The following CELF4 variants were observed in gnomAD, a reference collection of about 807,000 sequenced individuals.
CELF4 encodes the protein CUG-BP- and ETR-3-like factor 4.
Under a neutral mutation model 59.9 loss-of-function variants are expected in CELF4, and 18 were observed. That is an observed-to-expected ratio of 0.30 (90% CI 0.21 to 0.45). CELF4 has a LOEUF of 0.45. CELF4 is among the 20% of genes least tolerant of loss of function. CELF4 has a pLI of 1.00. For missense variants in CELF4, 456 were observed against 689.0 expected, an observed-to-expected ratio of 0.66 and a Z score of 3.79; for synonymous variants, 261 against 267.1, an observed-to-expected ratio of 0.98 and a Z score of 0.22.
At chr18:37,539,061 A>G (rs2099975769) in intron 1 of CELF4, among the ~76,000 whole-genome samples, 1 of 152,022 alleles carries the variant, frequency 6.6e-6, no homozygotes, top group Admixed American at 6.5e-5. Context: ...CCTCGGTCTC[A>G]TCAGGGTTCT....
chr18:37,306,661 C>G (rs1190274929), intron 3 of CELF4, among the ~76,000 whole-genome samples: 2 of 152,178 alleles, frequency 1.3e-5, no homozygotes, highest in African/African-American at 4.8e-5. Flanking sequence ...TGCTTGGACT[C>G]TGGCCAATCA....
In CELF4 at chr18:37,340,935, G is replaced by A. The variant is rs186365776; in HGVS notation, c.370-19054C>T. On this transcript the variant is annotated intron_variant, in intron 2 of 12. Transcript: ENST00000420428. ...ATTGTTTCAGTGATATCAAGCTAACGTCTGAGCCACTTGTAGCTTCCACTG... is the reference window on the plus strand; with the variant it reads ...ATTGTTTCAGTGATATCAAGCTAACATCTGAGCCACTTGTAGCTTCCACTG... Among the ~76,000 whole-genome samples, 12 of 152,290 alleles carry A rather than the reference G, an allele frequency of 7.9e-5. No individual in the cohort carries two copies. In the East Asian group the frequency reaches 1.2e-3, roughly 15 times the overall value.
intron 6 of CELF4, chr18:37,273,629 G>A: frequency 3.0e-6 from 3 of 989,276 alleles, no homozygotes; most frequent in Non-Finnish European, 2.4e-6. Flanking sequence ...CCCTAGTGTT[G>A]TCACAAAGGT....
intron 2 of CELF4, among the ~76,000 whole-genome samples, chr18:37,469,986 G>T (rs2099817217): frequency 6.6e-6 from 1 of 152,206 alleles, no homozygotes; most frequent in South Asian, 2.1e-4. Flanking sequence ...GATGGCCAGA[G>T]AATGAGGGTT....
At chr18:37,497,243 G>T (rs2099926198) in intron 1 of CELF4, among the ~76,000 whole-genome samples, 1 of 152,156 alleles carries the variant, frequency 6.6e-6, no homozygotes, top group South Asian at 2.1e-4. Context: ...TGTGACTGGG[G>T]TTGGAGGTGC....
chr18:37,405,488 C>T lies in CELF4; in HGVS notation c.369+80037G>A, dbSNP rs1034280791. Among the ~76,000 whole-genome samples, 6 of 152,254 alleles carry T rather than the reference C, an allele frequency of 3.9e-5. No homozygotes were observed. The East Asian group carries it at 5.8e-4, about 15-fold the overall frequency. On this transcript the variant is annotated intron_variant, in intron 2 of 12. Coordinates refer to ENST00000420428, the MANE Select transcript of CELF4 (RefSeq NM_020180.4). ...CTTCCTTCGAAGAGGGGCTCTGCCCCGGGATGCAGGAGACTGAGAAGATTT... is the reference window on the plus strand; with the variant it reads ...CTTCCTTCGAAGAGGGGCTCTGCCCTGGGATGCAGGAGACTGAGAAGATTT...
intron 1 of CELF4, among the ~76,000 whole-genome samples, chr18:37,556,092 G>C (rs1285204953): frequency 6.6e-6 from 1 of 152,178 alleles, no homozygotes; most frequent in African/African-American, 2.4e-5. Flanking sequence ...TGTAGCGTTT[G>C]ATCTTTAGAT....
chr18:37,313,994 G>T (rs946389665), intron 3 of CELF4, among the ~76,000 whole-genome samples: 1 of 152,198 alleles, frequency 6.6e-6, no homozygotes, highest in Non-Finnish European at 1.5e-5. Context: ...CTGCAGGAAC[G>T]CTGGACACTT....
At chr18:37,542,951 C>T (rs1043449350) in intron 1 of CELF4, among the ~76,000 whole-genome samples, 1 of 152,096 alleles carries the variant, frequency 6.6e-6, no homozygotes, top group Non-Finnish European at 1.5e-5. Context: ...ATCACTCCTG[C>T]CTCCCTTGAA....
chr18:37,376,741 T>G (rs2098974314), intron 2 of CELF4, among the ~76,000 whole-genome samples: 1 of 152,224 alleles, frequency 6.6e-6, no homozygotes, highest in South Asian at 2.1e-4. Flanking sequence ...CAGGCTCACC[T>G]TTCAGGGTGC....
At chr18:37,524,967 C>G (rs1037731977) in intron 1 of CELF4, among the ~76,000 whole-genome samples, 2 of 152,228 alleles carry the variant, frequency 1.3e-5, no homozygotes, top group African/African-American at 4.8e-5. Flanking sequence ...CTCCCTGAAG[C>G]GTCTCGCCCT....
chr18:37,359,111 A>C (rs1212360325), intron 2 of CELF4, among the ~76,000 whole-genome samples: 1 of 152,050 alleles, frequency 6.6e-6, no homozygotes, highest in Non-Finnish European at 1.5e-5. Flanking sequence ...AAAACAAAAC[A>C]AAACAAAACA....
At chr18:37,484,085 T>C (rs935781497) in intron 2 of CELF4, among the ~76,000 whole-genome samples, 9 of 152,108 alleles carry the variant, frequency 5.9e-5, no homozygotes, top group South Asian at 4.2e-4. Flanking sequence ...TTAGCCACCA[T>C]GAAACTCCCT....
intron 2 of CELF4, among the ~76,000 whole-genome samples, chr18:37,351,873 C>T (rs2098449944): frequency 1.3e-5 from 2 of 152,130 alleles, no homozygotes; most frequent in Non-Finnish European, 2.9e-5. Flanking sequence ...ACCACAGTCT[C>T]CCAAAGTGCT....
At chr18:37,342,527 C>T (rs1033178464) in intron 2 of CELF4, among the ~76,000 whole-genome samples, 1 of 152,116 alleles carries the variant, frequency 6.6e-6, no homozygotes, top group Non-Finnish European at 1.5e-5. Context: ...GGAGTGGGCA[C>T]CACCCTCCCC....
intron 3 of CELF4, among the ~76,000 whole-genome samples, chr18:37,291,091 T>C (rs190012669): frequency 6.6e-6 from 1 of 152,098 alleles, no homozygotes; most frequent in Admixed American, 6.6e-5. Context: ...GTATTTTTAG[T>C]AGAGATGGGG....
chr18:37,402,415 G>A (rs2099340080), intron 2 of CELF4, among the ~76,000 whole-genome samples: 1 of 152,090 alleles, frequency 6.6e-6, no homozygotes, highest in African/African-American at 2.4e-5. Context: ...TGTTTCCAGG[G>A]TTCCAGGGTC....
intron 2 of CELF4, among the ~76,000 whole-genome samples, chr18:37,448,076 T>C (rs1298630409): frequency 6.6e-6 from 1 of 152,222 alleles, no homozygotes; most frequent in African/African-American, 2.4e-5. Context: ...TAAAATGATC[T>C]AGAGCCATGA....
At chr18:37,480,654 G>A (rs55916388) in intron 2 of CELF4, among the ~76,000 whole-genome samples, 28,561 of 152,134 alleles carry the variant, frequency 0.19, 3,081 homozygotes, top group South Asian at 0.34. Flanking sequence ...GGAAGCCCCC[G>A]TATGGTGATG....
Sources: allele counts gnomAD v4.1 joint callset (sites outside exome capture counted in the v4.1 genomes callset), GRCh38; gene constraint gnomAD v4.1.1; transcripts MANE v1.5; gene names NCBI Gene and HGNC (gene_info 2026-07-23, HGNC 2026-07-21).